Variants in KIAA1217 observed in about 807,000 individuals in gnomAD.
KIAA1217 encodes sickle tail protein homolog.
Under a neutral mutation model 163.9 loss-of-function variants are expected in KIAA1217, and 88 were observed. The observed-to-expected ratio is 0.54, with a 90% CI of 0.45 to 0.64. KIAA1217 has a LOEUF of 0.64. KIAA1217 is among the 30% of genes least tolerant of loss of function. KIAA1217 has a pLI of 0.00. For synonymous variants in KIAA1217, 903 were observed against 923.1 expected (o/e 0.98, Z 0.39); for missense variants, 2,372 against 2,475.0 (o/e 0.96, Z 0.88).
intron 2 of KIAA1217, among the ~76,000 whole-genome samples, chr10:24,350,829 G>GAAA (rs11438441): frequency 1.1e-4 from 16 of 144,518 alleles, no homozygotes; most frequent in Middle Eastern, 3.6e-3. Flanking sequence ...GTGAGTGAGA[G>GAAA]AAAAAAAAAA....
intron 2 of KIAA1217, among the ~76,000 whole-genome samples, chr10:24,022,758 C>T (rs182736829): frequency 4.0e-5 from 6 of 151,418 alleles, no homozygotes; most frequent in African/African-American, 1.2e-4. Context: ...CCTTCCTAAA[C>T]GGGAATATTA....
At chr10:24,417,230 G>A (rs768051020) in intron 3 of KIAA1217, among the ~76,000 whole-genome samples, 97 of 152,220 alleles carry the variant, frequency 6.4e-4, no homozygotes, top group Non-Finnish European at 1.3e-3. Flanking sequence ...AGATACCTAA[G>A]AAGAAGCTGA....
chr10:24,498,476 G>A (rs1231848518), intron 8 of KIAA1217, among the ~76,000 whole-genome samples: 2 of 152,136 alleles, frequency 1.3e-5, no homozygotes, highest in African/African-American at 4.8e-5. Flanking sequence ...AAATATAGGA[G>A]ATTAAGAGGT....
chr10:24,095,594 T>C (rs1309062730), intron 2 of KIAA1217, among the ~76,000 whole-genome samples: 1 of 152,150 alleles, frequency 6.6e-6, no homozygotes, highest in Non-Finnish European at 1.5e-5. Context: ...TCCATGATGC[T>C]GTTCTTTGAT....
intron 2 of KIAA1217, among the ~76,000 whole-genome samples, chr10:24,021,887 A>AC (rs1491575426): frequency 0.016 from 1 of 64 alleles, no homozygotes; most frequent in Non-Finnish European, 0.031. Context: ...ATCAATATAC[A>AC]AAAAAAAAAT....
chr10:24,228,711 T>A (rs779740064), intron 2 of KIAA1217, among the ~76,000 whole-genome samples: 3 of 152,170 alleles, frequency 2.0e-5, no homozygotes, highest in Non-Finnish European at 4.4e-5. Flanking sequence ...CTGGGATATT[T>A]GTTGTATTCA....
chr10:24,498,823 T>C lies in KIAA1217; in HGVS notation c.1835-2556T>C, dbSNP rs534137510. On this transcript the variant is annotated intron_variant, in intron 8 of 20. Transcript: ENST00000376454. Reference sequence around the variant, plus strand: ...GCGAAACCATGTTAAAACAAAAAAATTGCGCTGTGAAAGTTATCTTCTTAA... The same window carrying C: ...GCGAAACCATGTTAAAACAAAAAAACTGCGCTGTGAAAGTTATCTTCTTAA... 3.3e-5 allele frequency among the ~76,000 whole-genome samples: 5 copies of C among 152,162 alleles called. 1 individual carries two copies. Among genetic ancestry groups the C allele is most frequent in the African/African-American group, 1.2e-4 (5 of 41,516 alleles).
chr10:23,982,122 T>C (rs566281918), intron 1 of KIAA1217, among the ~76,000 whole-genome samples: 11 of 152,036 alleles, frequency 7.2e-5, no homozygotes, highest in Non-Finnish European at 1.5e-4. Flanking sequence ...GTAATAATAA[T>C]AGTGCCCCTA....
intron 2 of KIAA1217, among the ~76,000 whole-genome samples, chr10:24,095,196 C>G (rs1361912382): frequency 6.6e-6 from 1 of 152,220 alleles, no homozygotes; most frequent in African/African-American, 2.4e-5. Context: ...CCGAGTAAGG[C>G]AATGCCTCGC....
At chr10:24,110,343 CA>C (rs1343195850) in intron 2 of KIAA1217, among the ~76,000 whole-genome samples, 1 of 151,782 alleles carries the variant, frequency 6.6e-6, no homozygotes, top group Middle Eastern at 3.4e-3. Flanking sequence ...CGTGGGGAGC[CA>C]AAAATAGTAA....
At chr10:24,464,410 G>A (rs972056041) in intron 5 of KIAA1217, among the ~76,000 whole-genome samples, 3 of 152,140 alleles carry the variant, frequency 2.0e-5, no homozygotes, top group African/African-American at 4.8e-5. Context: ...TGAACCGACC[G>A]ACTCTCATTG....
intron 6 of KIAA1217, among the ~76,000 whole-genome samples, chr10:24,493,046 A>G (rs1274719763): frequency 1.3e-5 from 2 of 152,154 alleles, no homozygotes; most frequent in African/African-American, 4.8e-5. Flanking sequence ...GGGTTTCACC[A>G]TGTTGGCCAG....
Position 23,832,070 on chromosome 10 carries a change from T to C in KIAA1217, c.-321+136836T>C, listed in dbSNP as rs113678164. ...AACTCTGGTGCTATCTACCTGGAGA[T>C]AGTGTCAGATCTCTCAGGTTGAGAG... is the stretch of plus-strand genomic sequence containing the variant. On this transcript the variant is annotated intron_variant, in intron 1 of 18. Coordinates refer to the KIAA1217 transcript ENST00000376462. 5.2e-3 allele frequency among the ~76,000 whole-genome samples: 790 copies of C among 152,278 alleles called. 11 individuals are homozygous for C. The highest frequency in any genetic ancestry group is 0.017 in the African/African-American group (713 of 41,554).
chr10:23,818,038 CATATATATACACATATATATACAT>C (rs1837420931), intron 1 of KIAA1217, among the ~76,000 whole-genome samples: 1 of 61,542 alleles, frequency 1.6e-5, no homozygotes, highest in Non-Finnish European at 3.5e-5. Context: ...CATATATATA[CATATATATACACATATATATACAT>C]ATATATATAC....
At chr10:24,030,450 C>T (rs543797474) in intron 2 of KIAA1217, among the ~76,000 whole-genome samples, 6 of 152,262 alleles carry the variant, frequency 3.9e-5, no homozygotes, top group South Asian at 2.1e-4. Context: ...GCTTCCTCTT[C>T]GCCTTCCACC....
At chr10:24,529,266 G>A (rs963090810) in intron 14 of KIAA1217, among the ~76,000 whole-genome samples, 1 of 152,094 alleles carries the variant, frequency 6.6e-6, no homozygotes, top group Non-Finnish European at 1.5e-5. Flanking sequence ...GGTATAAAAT[G>A]GCATGGTATT....
At chr10:24,009,237 G>A (rs1439669714) in intron 2 of KIAA1217, among the ~76,000 whole-genome samples, 5 of 152,154 alleles carry the variant, frequency 3.3e-5, no homozygotes, top group African/African-American at 1.2e-4. Flanking sequence ...GGAGGAAAGA[G>A]GAAGTAAAGG....
At chr10:24,074,657 T>C (rs762295093) in intron 2 of KIAA1217, among the ~76,000 whole-genome samples, 5 of 151,898 alleles carry the variant, frequency 3.3e-5, no homozygotes, top group Non-Finnish European at 4.4e-5. Context: ...TCTTATATTC[T>C]GGAATTCTTC....
intron 6 of KIAA1217, among the ~76,000 whole-genome samples, chr10:24,476,181 T>C (rs988924557): frequency 6.6e-6 from 1 of 152,236 alleles, no homozygotes; most frequent in Non-Finnish European, 1.5e-5. Context: ...CAACCAAAGA[T>C]GGTGTCTGCC....
Sources: gnomAD v4.1 joint callset for allele counts (sites outside exome capture counted in the v4.1 genomes callset) on GRCh38, gnomAD v4.1.1 for gene constraint, MANE v1.5 for transcripts, NCBI Gene and HGNC (gene_info 2026-07-23, HGNC 2026-07-21) for gene names.